The following KCNT2 variants were observed in gnomAD, a reference collection of about 807,000 sequenced individuals.
KCNT2 encodes the protein potassium channel subfamily T member 2.
KCNT2 carries 67 observed loss-of-function variants against 153.8 expected under a neutral mutation model. The ratio of observed to expected loss-of-function variants is 0.44; its 90% CI spans 0.36 to 0.53. The LOEUF is 0.53. KCNT2 is among the 20% of genes least tolerant of loss of function. The probability of loss-of-function intolerance (pLI) is 0.00; values close to 1 mark genes in which losing one functional copy is unlikely to be tolerated. For synonymous variants in KCNT2, 500 were observed against 458.8 expected (o/e 1.09, Z -1.15); for missense variants, 975 against 1,354.8 (o/e 0.72, Z 4.40).
chr1:196,412,441 G>A (rs374815534), intron 12 of KCNT2, among the ~76,000 whole-genome samples: 1 of 151,650 alleles, frequency 6.6e-6, no homozygotes, highest in East Asian at 1.9e-4. Flanking sequence ...TTTAAAAATG[G>A]AAATAATGTT....
intron 5 of KCNT2, among the ~76,000 whole-genome samples, chr1:196,472,724 A>G (rs1053853015): frequency 3.3e-5 from 5 of 152,202 alleles, no homozygotes; most frequent in African/African-American, 1.2e-4. Context: ...TTCACACTAT[A>G]CTATACTTAT....
chr1:196,228,306 T>C lies in KCNT2; in HGVS notation c.3326A>G (p.Tyr1109Cys), dbSNP rs1407921199. ...VYLIRPDPLA[Y>C]LPNSEPSRRN... ...TCGACTGGGCTCACTGTTTGGAAGGTAGGCCAGTGGATCTGGTCGAATTAA... is the reference window on the plus strand; with the variant it reads ...TCGACTGGGCTCACTGTTTGGAAGGCAGGCCAGTGGATCTGGTCGAATTAA... The change falls in exon 28 of 28, where the codon TAC becomes TGC. Residue 1109 changes from tyrosine to cysteine, a missense_variant. By Grantham distance (194) the Tyr-to-Cys change is radical (BLOSUM62 -2). This residue lies in a region of KCNT2 where 241 missense variants were observed against 271.1 expected (regional missense o/e 0.89). Coordinates refer to ENST00000294725, the MANE Select transcript of KCNT2 (RefSeq NM_198503.5). The C allele has an allele frequency of 6.8e-6, 11 of 1,609,050 alleles. No individual in the cohort carries two copies. The highest frequency in any genetic ancestry group is 9.4e-6 in the Non-Finnish European group (11 of 1,176,242).
chr1:196,556,269 C>G (rs986602054), intron 1 of KCNT2, among the ~76,000 whole-genome samples: 2 of 151,264 alleles, frequency 1.3e-5, no homozygotes, highest in African/African-American at 4.8e-5. Context: ...AGATTAATAA[C>G]CAAAATATAA....
At chr1:196,432,793 T>C (rs1353117212) in intron 8 of KCNT2, among the ~76,000 whole-genome samples, 2 of 152,082 alleles carry the variant, frequency 1.3e-5, no homozygotes, top group Non-Finnish European at 2.9e-5. Flanking sequence ...GATATTTAGA[T>C]GAGACTTTGG....
chr1:196,449,026 C>T (rs1382657025), intron 8 of KCNT2, among the ~76,000 whole-genome samples: 2 of 151,448 alleles, frequency 1.3e-5, no homozygotes, highest in Admixed American at 6.6e-5. Context: ...CAGCACTGGG[C>T]CCTGTTTGAA....
intron 1 of KCNT2, among the ~76,000 whole-genome samples, chr1:196,553,000 G>A (rs1472753912): frequency 2.0e-5 from 3 of 150,910 alleles, no homozygotes; most frequent in African/African-American, 7.3e-5. Flanking sequence ...CAGGAAAAGA[G>A]AAGAAAGAAA....
At chr1:196,464,819 C>A (rs1269566165) in intron 8 of KCNT2, among the ~76,000 whole-genome samples, 2 of 151,904 alleles carry the variant, frequency 1.3e-5, no homozygotes, top group African/African-American at 4.8e-5. Context: ...CAGGTCTTGC[C>A]TTGCACTGTC....
intron 1 of KCNT2, among the ~76,000 whole-genome samples, chr1:196,566,924 T>G (rs996862448): frequency 1.3e-4 from 20 of 152,142 alleles, no homozygotes; most frequent in Admixed American, 4.6e-4. Flanking sequence ...TTTCATTATA[T>G]ACTTCAAATG....
chr1:196,535,894 T>G (rs1409231333), intron 1 of KCNT2, among the ~76,000 whole-genome samples: 1 of 152,244 alleles, frequency 6.6e-6, no homozygotes, highest in Non-Finnish European at 1.5e-5. Flanking sequence ...CATGCAGAGT[T>G]GTGTGCCTGC....
At position 196,390,919 on chromosome 1, in the gene KCNT2, A is replaced by G. The variant is rs202051782; in HGVS notation, c.1294+7644T>C. ...TTTTTTTTTTTTTTTAAAAAAAAACATATGTTAGGAGACTCTTTTCAAACC... is the reference window on the plus strand; with the variant it reads ...TTTTTTTTTTTTTTTAAAAAAAAACGTATGTTAGGAGACTCTTTTCAAACC... On this transcript the variant is annotated intron_variant, in intron 13 of 27. Coordinates refer to ENST00000294725, the MANE Select transcript of KCNT2 (RefSeq NM_198503.5). Among the ~76,000 whole-genome samples, 78 of 137,272 alleles carry G rather than the reference A, an allele frequency of 5.7e-4. 1 individual carries two copies. The East Asian group carries it at 0.016, about 29-fold the overall frequency. 90.1% of individuals were successfully genotyped at this position (137,272 alleles called of 152,430 possible).
intron 26 of KCNT2, among the ~76,000 whole-genome samples, chr1:196,242,579 T>G (rs910272327): frequency 6.6e-6 from 1 of 152,192 alleles, no homozygotes; most frequent in Non-Finnish European, 1.5e-5. Context: ...AACATTTTTA[T>G]GATCAGTTGA....
chr1:196,423,989 C>G (rs1285473822), intron 11 of KCNT2, among the ~76,000 whole-genome samples: 3 of 151,900 alleles, frequency 2.0e-5, no homozygotes, highest in African/African-American at 7.2e-5. Context: ...TATATTAAAT[C>G]CCAAATATTT....
At chr1:196,425,490 G>A (rs1392745446) in intron 11 of KCNT2, among the ~76,000 whole-genome samples, 1 of 151,954 alleles carries the variant, frequency 6.6e-6, no homozygotes, top group African/African-American at 2.4e-5. Flanking sequence ...ATTTTTATAT[G>A]TGGGATAAAA....
chr1:196,462,619 T>C (rs764687207), intron 8 of KCNT2, among the ~76,000 whole-genome samples: 1 of 151,722 alleles, frequency 6.6e-6, no homozygotes, highest in African/African-American at 2.4e-5. Flanking sequence ...ACTAAAACTT[T>C]TGAGGTGTTA....
intron 1 of KCNT2, among the ~76,000 whole-genome samples, chr1:196,527,992 G>A (rs909150422): frequency 6.6e-6 from 1 of 152,094 alleles, no homozygotes; most frequent in African/African-American, 2.4e-5. Flanking sequence ...ACAGAATAAT[G>A]GTCAGTAATG....
chr1:196,606,810 T>C (rs1382633584), intron 1 of KCNT2, among the ~76,000 whole-genome samples: 2 of 152,186 alleles, frequency 1.3e-5, no homozygotes, highest in African/African-American at 4.8e-5. Context: ...AGGAACACCA[T>C]GCTACACTTA....
chr1:196,270,663 T>G (rs1172154669), intron 25 of KCNT2, among the ~76,000 whole-genome samples: 2 of 152,020 alleles, frequency 1.3e-5, no homozygotes, highest in East Asian at 3.8e-4. Context: ...ATTTATAATT[T>G]TCCAGAATTA....
intron 12 of KCNT2, among the ~76,000 whole-genome samples, chr1:196,413,050 A>AG (rs1435739838): frequency 6.6e-6 from 1 of 151,704 alleles, no homozygotes; most frequent in Non-Finnish European, 1.5e-5. Flanking sequence ...TATTCTTTTA[A>AG]GGGATAAACT....
At chr1:196,460,428 T>C (rs2148648724) in intron 8 of KCNT2, among the ~76,000 whole-genome samples, 1 of 151,886 alleles carries the variant, frequency 6.6e-6, no homozygotes, top group African/African-American at 2.4e-5. Context: ...TTGATAAGGG[T>C]ATTGTTATTC....
Sources: allele counts gnomAD v4.1 joint callset (sites outside exome capture counted in the v4.1 genomes callset), GRCh38; gene constraint gnomAD v4.1.1; regional missense constraint gnomAD v4.1.1; transcripts MANE v1.5; gene names NCBI Gene and HGNC (gene_info 2026-07-23, HGNC 2026-07-21).